SCHIP1: variants seen among roughly 807,000 people sequenced by gnomAD.
The protein encoded by SCHIP1 is schwannomin interacting protein 1.
SCHIP1 carries 8 observed loss-of-function variants against 29.7 expected under a neutral mutation model. That is an observed-to-expected ratio of 0.27 (90% confidence interval 0.16 to 0.49). SCHIP1 has a LOEUF of 0.49. SCHIP1 is among the 20% of genes least tolerant of loss of function. The pLI, the probability that SCHIP1 is intolerant of heterozygous loss-of-function variation, is 0.99. For missense variants in SCHIP1, 193 were observed against 294.6 expected (o/e 0.66, Z 2.52); for synonymous variants, 76 against 94.9 (o/e 0.80, Z 1.16).
intron 2 of SCHIP1, among the ~76,000 whole-genome samples, chr3:159,876,891 C>T (rs138017794): frequency 1.3e-5 from 2 of 152,212 alleles, no homozygotes; most frequent in Non-Finnish European, 2.9e-5. Flanking sequence ...ATCGTCCCCC[C>T]ATCTGCAAGG....
the SCHIP1 span, among the ~76,000 whole-genome samples, chr3:159,783,599 C>T: frequency 6.6e-6 from 1 of 152,170 alleles, no homozygotes; most frequent in Non-Finnish European, 1.5e-5. Context: ...TAATAACAGG[C>T]ACAATGCTTG....
the SCHIP1 span, among the ~76,000 whole-genome samples, chr3:159,614,003 T>C: frequency 1.3e-5 from 2 of 152,334 alleles, no homozygotes; most frequent in Non-Finnish European, 2.9e-5. Flanking sequence ...AGCGCATACG[T>C]ATTTAACCTG....
At chr3:159,719,769 A>T in the SCHIP1 span, among the ~76,000 whole-genome samples, 1 of 152,146 alleles carries the variant, frequency 6.6e-6, no homozygotes, top group Non-Finnish European at 1.5e-5. Flanking sequence ...AAATAGGAAC[A>T]TTTTACACTG....
At chr3:159,432,986 A>G in the SCHIP1 span, among the ~76,000 whole-genome samples, 2 of 152,158 alleles carry the variant, frequency 1.3e-5, no homozygotes, top group Non-Finnish European at 2.9e-5. Flanking sequence ...GCCCTTGTAA[A>G]GTAAAAAGAG....
the SCHIP1 span, among the ~76,000 whole-genome samples, chr3:159,622,689 C>T: frequency 6.6e-5 from 10 of 151,936 alleles, no homozygotes; most frequent in East Asian, 1.9e-4. Context: ...GAGGCCGAGG[C>T]GGGTGGATCA....
At chr3:159,691,035 G>A in the SCHIP1 span, among the ~76,000 whole-genome samples, 1 of 152,222 alleles carries the variant, frequency 6.6e-6, no homozygotes, top group South Asian at 2.1e-4. Context: ...TTTAGAATAA[G>A]TGATATGTGG....
At chr3:159,788,646 T>TTC in the SCHIP1 span, among the ~76,000 whole-genome samples, 1 of 151,402 alleles carries the variant, frequency 6.6e-6, no homozygotes, top group African/African-American at 2.4e-5. Flanking sequence ...TTCACCACAC[T>TTC]TCATTCATTC....
chr3:159,408,663 A>C, the SCHIP1 span, among the ~76,000 whole-genome samples: 30 of 152,312 alleles, frequency 2.0e-4, no homozygotes, highest in African/African-American at 7.2e-4. Flanking sequence ...CCAGCAAAAG[A>C]AAGCCCAGGA....
the SCHIP1 span, among the ~76,000 whole-genome samples, chr3:159,616,304 G>A: frequency 9.2e-5 from 14 of 152,122 alleles, no homozygotes; most frequent in African/African-American, 3.4e-4. Flanking sequence ...GCTTCACCAC[G>A]TTGGCCAGGC....
the SCHIP1 span, among the ~76,000 whole-genome samples, chr3:159,704,927 TCTTTCTTTCTTTC>T: frequency 2.3e-4 from 34 of 145,410 alleles, no homozygotes; most frequent in Non-Finnish European, 4.2e-4. Flanking sequence ...TTTCTTTCTT[TCTTTCTTTCTTTC>T]CTTTCTTTCT....
the SCHIP1 span, among the ~76,000 whole-genome samples, chr3:159,324,782 T>C: frequency 6.6e-6 from 1 of 152,160 alleles, no homozygotes; most frequent in Non-Finnish European, 1.5e-5. Flanking sequence ...GGCAGAGTTT[T>C]AATCTGGAAT....
At chr3:159,678,882 A>G in the SCHIP1 span, among the ~76,000 whole-genome samples, 1 of 152,230 alleles carries the variant, frequency 6.6e-6, no homozygotes, top group Non-Finnish European at 1.5e-5. Flanking sequence ...ATCTCGTGAG[A>G]ACTCACTCAC....
the SCHIP1 span, among the ~76,000 whole-genome samples, chr3:159,391,128 G>A: frequency 6.6e-6 from 1 of 152,150 alleles, no homozygotes; most frequent in Non-Finnish European, 1.5e-5. Flanking sequence ...AGTTTAAGGA[G>A]TTTGTTTTAA....
At chr3:159,764,909 GC>G in the SCHIP1 span, 2 of 1,535,744 alleles carry the variant, frequency 1.3e-6, no homozygotes, top group East Asian at 2.6e-5. This position sits in a 1 kb window ranked among gnomAD's most constrained non-coding sequence, Gnocchi z 6.1. Context: ...TGTTCCCGGG[GC>G]CCCCGCCGGG....
At chr3:159,425,538 A>G in the SCHIP1 span, among the ~76,000 whole-genome samples, 8 of 152,284 alleles carry the variant, frequency 5.3e-5, no homozygotes, top group African/African-American at 1.4e-4. Context: ...CCAGATTCAT[A>G]AAGCAAGTCC....
chr3:159,396,222 T>G, the SCHIP1 span, among the ~76,000 whole-genome samples: 15 of 151,514 alleles, frequency 9.9e-5, 1 homozygote, highest in South Asian at 8.4e-4. Context: ...GTCTCTGCAC[T>G]TGAGATGGGT....
chr3:159,370,741 C>T, the SCHIP1 span, among the ~76,000 whole-genome samples: 1 of 152,146 alleles, frequency 6.6e-6, no homozygotes, highest in South Asian at 2.1e-4. Context: ...TCTTCTCCTG[C>T]TATCTGACAT....
chr3:159,281,980 C>A, the SCHIP1 span, among the ~76,000 whole-genome samples: 1 of 151,764 alleles, frequency 6.6e-6, no homozygotes, highest in South Asian at 2.1e-4. Flanking sequence ...TTTCACTGTG[C>A]TTTTAAAAAC....
the SCHIP1 span, among the ~76,000 whole-genome samples, chr3:159,591,110 C>T: frequency 6.6e-6 from 1 of 152,132 alleles, no homozygotes; most frequent in South Asian, 2.1e-4. Flanking sequence ...CTAGTAAAGA[C>T]CCCCAAATGA....
Sources: allele counts gnomAD v4.1 joint callset (sites outside exome capture counted in the v4.1 genomes callset), GRCh38; gene constraint gnomAD v4.1.1; non-coding constraint Gnocchi (gnomAD v3.1); transcripts MANE v1.5; gene names NCBI Gene and HGNC (gene_info 2026-07-23, HGNC 2026-07-21).